The following IL34 variants were observed in gnomAD, a reference collection of about 807,000 sequenced individuals.
The protein encoded by IL34 is interleukin-34.
A neutral mutation model predicts 25.3 loss-of-function variants in IL34; 17 were observed. The observed-to-expected ratio is 0.67, with a 90% CI of 0.46 to 1.01. The LOEUF (loss-of-function observed/expected upper bound fraction) is 1.01, where lower values mean the gene tolerates loss of function less well. Among genes scored for constraint, IL34 ranks in the 50% least tolerant of loss-of-function variants. The probability of loss-of-function intolerance (pLI) is 0.00; values close to 1 mark genes in which losing one functional copy is unlikely to be tolerated. For synonymous variants in IL34, 174 were observed against 140.9 expected (o/e 1.23, Z -1.66); for missense variants, 368 against 312.9 (o/e 1.18, Z -1.33).
intron 1 of IL34, among the ~76,000 whole-genome samples, chr16:70,582,476 T>C (rs1265160749): frequency 6.6e-6 from 1 of 152,256 alleles, no homozygotes; most frequent in Non-Finnish European, 1.5e-5. Flanking sequence ...ATTCCGGTCC[T>C]GGCCACACCA....
At chr16:70,591,440 G>C (rs1051833761) in intron 1 of IL34, among the ~76,000 whole-genome samples, 1 of 151,944 alleles carries the variant, frequency 6.6e-6, no homozygotes, top group Admixed American at 6.6e-5. Flanking sequence ...GTGGTGGCAC[G>C]TACCTGTAGT....
At chr16:70,646,087 A>C (rs11646267), upstream of IL34, among the ~76,000 whole-genome samples, 7,375 of 150,686 alleles carry the variant, frequency 0.049, 269 homozygotes, top group Non-Finnish European at 0.065. Flanking sequence ...TTTTTTTTTT[A>C]TTAATAGAAC....
chr16:70,595,416 G>A (rs2050808349), intron 1 of IL34, among the ~76,000 whole-genome samples: 1 of 151,888 alleles, frequency 6.6e-6, no homozygotes, highest in Non-Finnish European at 1.5e-5. Context: ...GACCTCCTAG[G>A]TTCAATTAAT....
rs2051943659 is a variant in IL34, at chr16:70,646,799, C to G, written c.-149C>G. ...CTGCCCTTGGGGCACCTGCTCACTCCCGCAGCCCAGCCACTCCTCCAGGGC... is the reference window on the plus strand; with the variant it reads ...CTGCCCTTGGGGCACCTGCTCACTCGCGCAGCCCAGCCACTCCTCCAGGGC... On this transcript the variant is annotated 5_prime_UTR_variant, in exon 1 of 6. Coordinates refer to ENST00000288098, the MANE Select transcript of IL34 (RefSeq NM_001393494.1). 1 of 700,514 alleles carries G rather than the reference C, an allele frequency of 1.4e-6. No individual in the cohort carries two copies. Among genetic ancestry groups the G allele is most frequent in the Admixed American group, 4.1e-5 (1 of 24,538 alleles). The allele number at this position is 700,514 out of a possible 1,614,324, so 43.4% of individuals were successfully genotyped here.
chr16:70,626,913 T>C (rs2051406339), intron 1 of IL34, among the ~76,000 whole-genome samples: 1 of 152,230 alleles, frequency 6.6e-6, no homozygotes, highest in Non-Finnish European at 1.5e-5. Context: ...AACTTGCTAC[T>C]CTTTTCCATT....
upstream of IL34, among the ~76,000 whole-genome samples, chr16:70,646,076 A>AT (rs538298349): frequency 1.2e-3 from 184 of 150,144 alleles, no homozygotes; most frequent in South Asian, 3.8e-3. Context: ...TTTTTTCTTA[A>AT]TTTTTTTTTT....
chr16:70,627,444 G>T (rs897706053), intron 1 of IL34, among the ~76,000 whole-genome samples: 5 of 18,486 alleles, frequency 2.7e-4, no homozygotes, highest in African/African-American at 7.1e-4. Context: ...CTCCCCCTCC[G>T]CTCCCCTCCC....
upstream of IL34, among the ~76,000 whole-genome samples, chr16:70,643,524 C>T (rs1043846543): frequency 1.3e-5 from 2 of 152,336 alleles, no homozygotes; most frequent in Admixed American, 6.5e-5. Context: ...GCCCGTGCCA[C>T]TACACCCACC....
intron 1 of IL34, among the ~76,000 whole-genome samples, chr16:70,582,601 T>G (rs2050647651): frequency 6.6e-6 from 1 of 152,256 alleles, no homozygotes; most frequent in Admixed American, 6.5e-5. Flanking sequence ...GATAAAGCAG[T>G]TGGCCCCAAG....
chr16:70,593,694 T>A (rs2050782560), intron 1 of IL34, among the ~76,000 whole-genome samples: 11 of 152,056 alleles, frequency 7.2e-5, no homozygotes, highest in Admixed American at 7.2e-4. Context: ...TTTTTTTGTA[T>A]TTTTTCTTTT....
Position 70,646,559 on chromosome 16 carries a change from A to G in IL34, c.-389A>G. ...CTTTCTCTTCCTAGAGCCAGATTTC[A>G]CACTGAGCAGCTGCAGTCGGAGAAA... On this transcript the variant is annotated 5_prime_UTR_variant, in exon 1 of 6. Coordinates refer to ENST00000288098, the MANE Select transcript of IL34 (RefSeq NM_001393494.1). 8.0e-6 allele frequency: 2 copies of G among 250,390 alleles called. No individual in the cohort carries two copies. The highest frequency in any genetic ancestry group is 1.5e-5 in the Non-Finnish European group (2 of 132,442). The allele number at this position is 250,390 out of a possible 1,614,324, so 15.5% of individuals were successfully genotyped here.
In IL34 at chr16:70,615,311, A is replaced by G. The variant is rs745429042; in HGVS notation, c.-400-31237A>G. 8.5e-4 allele frequency among the ~76,000 whole-genome samples: 129 copies of G among 152,080 alleles called. 1 individual carries two copies. Among genetic ancestry groups the G allele is most frequent in the Admixed American group, 2.9e-3 (44 of 15,260 alleles). ...ATCAAGAGGTCAAGAGATCGAAACC[A>G]TTCTGGCTAACATGGTGAAACCCCG... On this transcript the variant is annotated intron_variant, in intron 1 of 6. Coordinates refer to the IL34 transcript ENST00000429149.
At position 70,620,704 on chromosome 16, in the gene IL34, A is replaced by G. The variant is rs2051263178; in HGVS notation, c.-400-25844A>G. Among the ~76,000 whole-genome samples the G allele has an allele frequency of 2.1e-5, 3 of 143,858 alleles. No homozygotes were observed. The South Asian group carries it at 7.5e-4, about 36-fold the overall frequency. The allele number at this position is 143,858 out of a possible 152,430, so 94.4% of individuals were successfully genotyped here. On this transcript the variant is annotated intron_variant, in intron 1 of 6. Transcript: ENST00000429149. Reference sequence around the variant, plus strand: ...GTCAGGCACCTCAGACCTTCTGCGTATTTTACAACAAGAATTATTTAGATT... The same window carrying G: ...GTCAGGCACCTCAGACCTTCTGCGTGTTTTACAACAAGAATTATTTAGATT...
intron 1 of IL34, among the ~76,000 whole-genome samples, chr16:70,611,021 C>T (rs556586696): frequency 1.4e-4 from 21 of 152,170 alleles, no homozygotes; most frequent in African/African-American, 4.8e-4. Context: ...TGGCCCAGGC[C>T]GGAGCACAGT....
chr16:70,641,418 C>G (rs937247657), intron 1 of IL34, among the ~76,000 whole-genome samples: 1 of 152,146 alleles, frequency 6.6e-6, no homozygotes, highest in African/African-American at 2.4e-5. Context: ...GTGAGCTTCA[C>G]TGTCCATCAA....
At position 70,657,181 on chromosome 16, in the gene IL34, G is replaced by A. The variant is rs778170126; in HGVS notation, c.402+60G>A. 4 of 1,550,674 alleles carry A rather than the reference G, an allele frequency of 2.6e-6. No individual in the cohort carries two copies. The East Asian group carries it at 6.8e-5, about 26-fold the overall frequency. ...TGTGTGTGCACACGTGTGTACATGT[G>A]TGTGAGGTGTGGCCAAAGGCTAGTG... On this transcript the variant is annotated intron_variant, in intron 4 of 5. Transcript: ENST00000288098.
Position 70,659,610 on chromosome 16 carries a change from CT to C in IL34, c.403-5del, listed in dbSNP as rs1464636935. The stretch of plus-strand genomic sequence containing the variant: ...CGCCACCGCTCCTGACTGTTTCCTC[CT>C]TTCCAGGATGTGGAGGTCAGCCCCA... On this transcript the variant is annotated splice_polypyrimidine_tract_variant and splice_region_variant and intron_variant, in intron 4 of 5. Transcript: ENST00000288098. 2 of 1,602,108 alleles carry C rather than the reference CT, an allele frequency of 1.2e-6. No homozygotes were observed. The highest frequency in any genetic ancestry group is 1.7e-6 in the Non-Finnish European group (2 of 1,171,382).
chr16:70,592,867 C>A (rs1280936496), intron 1 of IL34, among the ~76,000 whole-genome samples: 1 of 152,168 alleles, frequency 6.6e-6, no homozygotes, highest in Non-Finnish European at 1.5e-5. Flanking sequence ...GTTGGTCAGG[C>A]TGGTCTTGAA....
chr16:70,646,301 C>T (rs989474388), upstream of IL34, among the ~76,000 whole-genome samples: 1 of 152,146 alleles, frequency 6.6e-6, no homozygotes, highest in Non-Finnish European at 1.5e-5. Context: ...TGTGTGAACT[C>T]AAACCACCTG....
Sources: allele counts gnomAD v4.1 joint callset (sites outside exome capture counted in the v4.1 genomes callset), GRCh38; gene constraint gnomAD v4.1.1; transcripts MANE v1.5; gene names NCBI Gene and HGNC (gene_info 2026-07-23, HGNC 2026-07-21).